Variants in SEC16B observed in about 807,000 individuals in gnomAD.
SEC16B encodes SEC16 homolog B, endoplasmic reticulum export factor.
In SEC16B, 115 loss-of-function variants were observed where a neutral mutation model predicts 141.8. That is an observed-to-expected ratio of 0.81 (90% confidence interval 0.70 to 0.95). The LOEUF is 0.95. Among genes scored for constraint, SEC16B ranks in the 40% least tolerant of loss-of-function variants. SEC16B has a pLI of 0.00. For missense variants in SEC16B, 1,291 were observed against 1,312.3 expected, an observed-to-expected ratio of 0.98 and a Z score of 0.25; for synonymous variants, 493 against 492.5, an observed-to-expected ratio of 1.00 and a Z score of -0.01.
upstream of SEC16B, among the ~76,000 whole-genome samples, chr1:177,973,706 G>A (rs569934362): frequency 6.6e-6 from 1 of 152,204 alleles, no homozygotes; most frequent in South Asian, 2.1e-4. Flanking sequence ...ATGCACTGGG[G>A]ATACAAAGAT....
At chr1:177,967,383 G>C (rs1018463722) in intron 2 of SEC16B, among the ~76,000 whole-genome samples, 1 of 152,126 alleles carries the variant, frequency 6.6e-6, no homozygotes. Flanking sequence ...TCCATCTGCT[G>C]TCTTGAATTT....
At chr1:177,954,866 T>C (rs1225372346) in intron 10 of SEC16B, among the ~76,000 whole-genome samples, 1 of 152,104 alleles carries the variant, frequency 6.6e-6, no homozygotes, top group African/African-American at 2.4e-5. Context: ...CACAAATATA[T>C]ACAATTTTTG....
Position 177,951,902 on chromosome 1 carries a change from T to C in SEC16B, c.1545+12A>G, listed in dbSNP as rs539796230. 1 of 1,591,668 alleles carries C rather than the reference T, an allele frequency of 6.3e-7. No individual in the cohort carries two copies. Among genetic ancestry groups the C allele is most frequent in the East Asian group, 2.3e-5 (1 of 43,590 alleles). ...ATGCCTGGGTGATAAAGGAATCCTGTCATAGGGGTACCGTGGCTGCCTGTG... is the reference window on the plus strand; with the variant it reads ...ATGCCTGGGTGATAAAGGAATCCTGCCATAGGGGTACCGTGGCTGCCTGTG... On this transcript the variant is annotated intron_variant, in intron 12 of 25. Transcript: ENST00000308284.
In SEC16B at chr1:177,959,071, G is replaced by A. The variant is rs181592375; in HGVS notation, c.999-96C>T. On this transcript the variant is annotated intron_variant, in intron 8 of 25. Transcript: ENST00000308284. ...TCCTAAGTGTGCAAGTGCTGGCTGG[G>A]CTGTGATTGAGATAGAAATCTGACA... 119 of 1,321,310 alleles carry A rather than the reference G, an allele frequency of 9.0e-5. No homozygotes were observed. In the East Asian group the frequency reaches 2.8e-3, roughly 31 times the overall value. The allele number at this position is 1,321,310 out of a possible 1,614,324, so 81.8% of individuals were successfully genotyped here.
rs763628086 is a variant in SEC16B at position 177,929,799 on chromosome 1, G to GA, written c.*58dup. 91 of 1,582,650 alleles carry GA rather than the reference G, an allele frequency of 5.7e-5. No homozygotes were observed. Among genetic ancestry groups the GA allele is most frequent in the Non-Finnish European group, 7.0e-5 (81 of 1,157,512 alleles). On this transcript the variant is annotated 3_prime_UTR_variant, in exon 26 of 26. Transcript: ENST00000308284. Reference sequence around the variant, plus strand: ...TGGTAGAGAGGGGCTGGGAGATTGAGAAAAAGAGAGCAAGAAAGTTTCAGT... The same window carrying GA: ...TGGTAGAGAGGGGCTGGGAGATTGAGAAAAAAGAGAGCAAGAAAGTTTCAGT...
Position 177,930,750 on chromosome 1 carries a change from T to C in SEC16B, c.3013-107A>G, listed in dbSNP as rs1650356518. ...GGATTATTTGTTTTTTTCTCAGTGA[T>C]TTCTTTAAGTTCCTTATCGACTCTC... On this transcript the variant is annotated intron_variant, in intron 24 of 25. Coordinates refer to ENST00000308284, the MANE Select transcript of SEC16B (RefSeq NM_033127.4). The C allele has an allele frequency of 2.6e-5, 19 of 724,664 alleles. No individual in the cohort carries two copies. The South Asian group carries it at 3.3e-4, about 13-fold the overall frequency. 44.9% of individuals were successfully genotyped at this position (724,664 alleles called of 1,614,324 possible). A position where few individuals can be genotyped will look rare whatever the true frequency, so the allele number is the denominator to read the frequency against.
chr1:177,965,161 C>A lies in SEC16B; in HGVS notation c.419G>T (p.Arg140Met). 6.2e-7 allele frequency: 1 copy of A among 1,613,262 alleles called. No individual in the cohort carries two copies. The highest frequency in any genetic ancestry group is 8.5e-7 in the Non-Finnish European group (1 of 1,179,656). Residue 140 changes from arginine (R) to methionine (M), a missense_variant, in exon 4 of 26, where the codon AGG (arginine) becomes ATG (methionine). Arg to Met is a moderately conservative substitution (Grantham distance 91). Transcript: ENST00000308284. ...PQWLQEERVP[R>M]QRSPYIWHED... Reference sequence around the variant, plus strand: ...GTGCCAGATATAAGGACTCCGTTGCCTTGGCACTGCACCCTCAGAGAAAAC... The same window carrying A: ...GTGCCAGATATAAGGACTCCGTTGCATTGGCACTGCACCCTCAGAGAAAAC...
rs540830662 is a variant in SEC16B, at chr1:177,933,543, T to C, written c.2665A>G (p.Asn889Asp). Reference sequence around the variant, plus strand: ...CTCTGGGCAGTATTTCGGGGAGAGTTTTTATCAGCCTCATCAGAGGACTCC... The same window carrying C: ...CTCTGGGCAGTATTTCGGGGAGAGTCTTTATCAGCCTCATCAGAGGACTCC... Reference protein sequence around the residue: ...EKESSDEADKNSPRNTAQRGK... With the variant: ...EKESSDEADKDSPRNTAQRGK... Residue 889 changes from asparagine to aspartate, a missense_variant, in exon 21 of 26, where the codon AAC becomes GAC. Around this residue, in one of 3 missense-constraint regions of SEC16B, gnomAD observed 605 missense variants for 614.1 expected, o/e 0.99. Coordinates refer to ENST00000308284, the MANE Select transcript of SEC16B (RefSeq NM_033127.4). 2.2e-5 allele frequency: 35 copies of C among 1,613,844 alleles called. No individual in the cohort carries two copies. In the Middle Eastern group the frequency reaches 3.3e-3, roughly 152 times the overall value.
At chr1:177,941,801 G>T in intron 16 of SEC16B, 99 bp downstream of exon 16, 1 of 1,391,914 alleles carries the variant, frequency 7.2e-7, no homozygotes, top group Non-Finnish European at 9.8e-7. Flanking sequence ...TTTATGGCAT[G>T]TTCAAAGAAG....
chr1:177,974,367 C>T (rs1654084294), upstream of SEC16B, among the ~76,000 whole-genome samples: 1 of 152,084 alleles, frequency 6.6e-6, no homozygotes, highest in Admixed American at 6.5e-5. Flanking sequence ...GGAAGGAGCT[C>T]TGAGGTGGAC....
intron 8 of SEC16B, chr1:177,960,103 G>C: frequency 3.8e-6 from 2 of 532,088 alleles, no homozygotes; most frequent in Non-Finnish European, 6.8e-6. Context: ...TAATGGAACT[G>C]GTTTTAGATT....
At chr1:177,938,882 T>A (rs1282873739) in intron 18 of SEC16B, among the ~76,000 whole-genome samples, 2 of 152,138 alleles carry the variant, frequency 1.3e-5, no homozygotes, top group Non-Finnish European at 2.9e-5. Flanking sequence ...ACTGGTAACA[T>A]AAACTAAGGT....
Position 177,939,839 on chromosome 1 carries a change from C to G in SEC16B, c.2128-62G>C, listed in dbSNP as rs1004640034. ...CAAAGGAAAAACAAGAACAGAGAAACAAAGTGATTCAAAACTTAAGCCAAA... is the reference window on the plus strand; with the variant it reads ...CAAAGGAAAAACAAGAACAGAGAAAGAAAGTGATTCAAAACTTAAGCCAAA... On this transcript the variant is annotated intron_variant, in intron 17 of 25. Coordinates refer to ENST00000308284, the MANE Select transcript of SEC16B (RefSeq NM_033127.4). The G allele has an allele frequency of 4.7e-6, 6 of 1,288,568 alleles. No individual in the cohort carries two copies. In the African/African-American group the frequency reaches 9.0e-5, roughly 19 times the overall value. The allele number at this position is 1,288,568 out of a possible 1,614,324, so 79.8% of individuals were successfully genotyped here.
At chr1:177,941,304 G>A (rs1010251696) in intron 16 of SEC16B, among the ~76,000 whole-genome samples, 2 of 152,276 alleles carry the variant, frequency 1.3e-5, no homozygotes, top group African/African-American at 2.4e-5. Flanking sequence ...AATTTTATAC[G>A]TTAAAGAAGC....
intron 1 of SEC16B, among the ~76,000 whole-genome samples, chr1:177,981,991 A>G (rs891567810): frequency 4.6e-5 from 7 of 152,224 alleles, no homozygotes; most frequent in African/African-American, 1.7e-4. Context: ...TCAAAATAAG[A>G]AAATAATAGT....
intron 22 of SEC16B, 134 bp from the exon 23 acceptor site, chr1:177,932,940 T>A: frequency 1.2e-6 from 1 of 820,070 alleles, no homozygotes; most frequent in Non-Finnish European, 2.0e-6. Context: ...AAAACCCCCC[T>A]CCTCATCCCA....
chr1:177,968,019 T>G lies in SEC16B; in HGVS notation c.-38A>C, dbSNP rs1653692349. 1.9e-6 allele frequency: 3 copies of G among 1,544,052 alleles called. No individual in the cohort carries two copies. The highest frequency in any genetic ancestry group is 2.6e-6 in the Non-Finnish European group (3 of 1,141,906). On this transcript the variant is annotated 5_prime_UTR_variant, in exon 2 of 26. Transcript: ENST00000308284. ...GAATTTGTCCTGGGTTTTGAGTAAGTTGTGCAGTTATTTTATCTTCCTGCA... is the reference window on the plus strand; with the variant it reads ...GAATTTGTCCTGGGTTTTGAGTAAGGTGTGCAGTTATTTTATCTTCCTGCA...
At chr1:177,942,265 C>T (rs1651335387) in intron 15 of SEC16B, among the ~76,000 whole-genome samples, 1 of 152,258 alleles carries the variant, frequency 6.6e-6, no homozygotes, top group Admixed American at 6.5e-5. Flanking sequence ...GTCCCATCCG[C>T]TCAAACTTCC....
At position 177,954,332 on chromosome 1, in the gene SEC16B, A is replaced by G; in HGVS notation, c.1410T>C (p.Ala470=). The G allele has an allele frequency of 1.3e-6, 2 of 1,576,710 alleles. No homozygotes were observed. The highest frequency in any genetic ancestry group is 1.7e-6 in the Non-Finnish European group (2 of 1,160,154). ...WAMKNHLWGH[A]LFLSSKMDPQ... is the part of the protein sequence containing the mutation. Reference sequence around the variant, plus strand: ...GGTCCATCTTGCTGGACAGGAACAAAGCATGGCCCCACAAGTGGTTCTTCA... The same window carrying G: ...GGTCCATCTTGCTGGACAGGAACAAGGCATGGCCCCACAAGTGGTTCTTCA... The change falls in exon 11 of 26, where the codon GCT becomes GCC. Residue 470 remains alanine (A), a synonymous_variant. Coordinates refer to ENST00000308284, the MANE Select transcript of SEC16B (RefSeq NM_033127.4).
Sources: gnomAD v4.1 joint callset for allele counts (sites outside exome capture counted in the v4.1 genomes callset) on GRCh38, gnomAD v4.1.1 for gene constraint, gnomAD v4.1.1 regional missense constraint, MANE v1.5 for transcripts, NCBI Gene and HGNC (gene_info 2026-07-23, HGNC 2026-07-21) for gene names.